The following ALK variants were observed in gnomAD, a reference collection of about 807,000 sequenced individuals.
ALK encodes ALK tyrosine kinase receptor.
In ALK, 74 loss-of-function variants were observed where a neutral mutation model predicts 163.1. That is an observed-to-expected ratio of 0.45 (90% CI 0.38 to 0.55). ALK has a LOEUF of 0.55. ALK is among the 20% of genes least tolerant of loss of function. ALK has a pLI of 0.00. For missense variants in ALK, 2,063 were observed against 2,105.3 expected (o/e 0.98, Z 0.39); for synonymous variants, 960 against 843.2 (o/e 1.14, Z -2.40).
chr2:29,688,136 C>CT, intron 3 of ALK, among the ~76,000 whole-genome samples: 1 of 152,280 alleles, frequency 6.6e-6, no homozygotes, highest in East Asian at 1.9e-4. Flanking sequence ...GGATAAAGGT[C>CT]TTTGAAACTT....
chr2:29,597,923 T>C (rs1319453797), intron 3 of ALK, among the ~76,000 whole-genome samples: 1 of 152,210 alleles, frequency 6.6e-6, no homozygotes, highest in African/African-American at 2.4e-5. Context: ...TGTGGGCCAC[T>C]GCCAGCATCT....
chr2:29,336,858 A>G (rs1249939077), intron 5 of ALK, among the ~76,000 whole-genome samples: 1 of 152,124 alleles, frequency 6.6e-6, no homozygotes, highest in Admixed American at 6.5e-5. Context: ...TGCCTAACTA[A>G]TGACACTCGT....
At chr2:29,649,524 G>A (rs1380842182) in intron 3 of ALK, among the ~76,000 whole-genome samples, 1 of 152,004 alleles carries the variant, frequency 6.6e-6, no homozygotes, top group Non-Finnish European at 1.5e-5. Flanking sequence ...GGCCAGGAAT[G>A]AACCATTGAA....
chr2:29,630,380 T>A (rs184575427), intron 3 of ALK, among the ~76,000 whole-genome samples: 1 of 152,296 alleles, frequency 6.6e-6, no homozygotes, highest in Non-Finnish European at 1.5e-5. Flanking sequence ...ATTTATTATT[T>A]TTTTTCTTAC....
chr2:29,404,614 A>C (rs1669535715), intron 4 of ALK, among the ~76,000 whole-genome samples: 1 of 152,192 alleles, frequency 6.6e-6, no homozygotes, highest in Non-Finnish European at 1.5e-5. Context: ...GGCACCTATA[A>C]GCAATTTCAT....
intron 4 of ALK, among the ~76,000 whole-genome samples, chr2:29,473,613 T>C (rs1671424353): frequency 6.6e-6 from 1 of 151,988 alleles, no homozygotes; most frequent in Non-Finnish European, 1.5e-5. Context: ...AAATATTCAA[T>C]AAGCATATGA....
At chr2:29,355,401 A>T (rs1445042491) in intron 5 of ALK, among the ~76,000 whole-genome samples, 4 of 152,026 alleles carry the variant, frequency 2.6e-5, no homozygotes, top group Non-Finnish European at 4.4e-5. Context: ...TACGAGGGTA[A>T]TTCCTGAGTT....
At chr2:29,566,144 C>G (rs1674181717) in intron 3 of ALK, among the ~76,000 whole-genome samples, 1 of 152,198 alleles carries the variant, frequency 6.6e-6, no homozygotes, top group Admixed American at 6.5e-5. Context: ...GTCACCCTGC[C>G]TGGATCACTT....
chr2:29,440,248 A>G (rs1201234394), intron 4 of ALK, among the ~76,000 whole-genome samples: 3 of 152,012 alleles, frequency 2.0e-5, no homozygotes. Context: ...ACAAAAACAA[A>G]AAAAACCACT....
At chr2:29,339,656 C>T (rs1667732542) in intron 5 of ALK, among the ~76,000 whole-genome samples, 1 of 152,166 alleles carries the variant, frequency 6.6e-6, no homozygotes, top group Non-Finnish European at 1.5e-5. Flanking sequence ...ACCGACCAAG[C>T]AAGTCACGGA....
intron 25 of ALK, among the ~76,000 whole-genome samples, chr2:29,208,478 G>A (rs3820711): frequency 0.76 from 115,116 of 151,864 alleles, 43,787 homozygotes; most frequent in East Asian, 0.84. Context: ...ATTCTGAGGA[G>A]GGAGAGGAAG....
At chr2:29,876,523 GTGA>G (rs1282007061) in intron 1 of ALK, among the ~76,000 whole-genome samples, 3 of 149,448 alleles carry the variant, frequency 2.0e-5, no homozygotes, top group Non-Finnish European at 4.5e-5. Flanking sequence ...AATGATGATG[GTGA>G]TGGTGATGGT....
At chr2:29,729,088 G>A (rs1206735169) in intron 1 of ALK, among the ~76,000 whole-genome samples, 2 of 152,164 alleles carry the variant, frequency 1.3e-5, no homozygotes, top group Non-Finnish European at 2.9e-5. Flanking sequence ...TTTCCTGCAG[G>A]GAAGAGGCCT....
chr2:29,749,192 G>A (rs894845992), intron 1 of ALK, among the ~76,000 whole-genome samples: 2 of 151,974 alleles, frequency 1.3e-5, no homozygotes, highest in African/African-American at 4.8e-5. Flanking sequence ...TCAGTCCCCA[G>A]GGTTTCTGAT....
intron 3 of ALK, among the ~76,000 whole-genome samples, chr2:29,555,700 C>T (rs1005480888): frequency 6.6e-6 from 1 of 152,162 alleles, no homozygotes; most frequent in African/African-American, 2.4e-5. Flanking sequence ...CCTGAAGATA[C>T]AGCTGGTATC....
chr2:29,450,551 T>C (rs1447244423), intron 4 of ALK, among the ~76,000 whole-genome samples: 2 of 152,170 alleles, frequency 1.3e-5, no homozygotes, highest in African/African-American at 4.8e-5. Flanking sequence ...GTAGATAGAT[T>C]AAGCTCTGGA....
chr2:29,481,098 T>C (rs1255750542), intron 4 of ALK, among the ~76,000 whole-genome samples: 1 of 152,224 alleles, frequency 6.6e-6, no homozygotes, highest in Non-Finnish European at 1.5e-5. Flanking sequence ...TCAGATTTAG[T>C]GAACGCGAGA....
chr2:29,376,523 T>C (rs1029494312), intron 5 of ALK, among the ~76,000 whole-genome samples: 10 of 152,268 alleles, frequency 6.6e-5, no homozygotes, highest in African/African-American at 2.4e-4. Context: ...TGTTAGCATG[T>C]ACCCAGTTTA....
chr2:29,217,467 T>G (rs955807166), intron 23 of ALK, among the ~76,000 whole-genome samples: 1 of 151,986 alleles, frequency 6.6e-6, no homozygotes, highest in Non-Finnish European at 1.5e-5. Context: ...TGCCAGCCAG[T>G]GCACCCTGGG....
Sources: allele counts gnomAD v4.1 joint callset (sites outside exome capture counted in the v4.1 genomes callset), GRCh38; gene constraint gnomAD v4.1.1; transcripts MANE v1.5; gene names NCBI Gene and HGNC (gene_info 2026-07-23, HGNC 2026-07-21).